COL24A1: variants seen among roughly 807,000 people sequenced by gnomAD.
COL24A1 encodes the protein collagen type XXIV alpha 1 chain.
COL24A1 carries 224 observed loss-of-function variants against 253.9 expected under a neutral mutation model. That is an observed-to-expected ratio of 0.88 (90% CI 0.79 to 0.99). The LOEUF (loss-of-function observed/expected upper bound fraction) is 0.99, where lower values mean the gene tolerates loss of function less well. COL24A1 is among the 50% of genes least tolerant of loss of function. The pLI, the probability that COL24A1 is intolerant of heterozygous loss-of-function variation, is 0.00. For missense variants in COL24A1, 2,131 were observed against 2,068.5 expected (o/e 1.03, Z -0.59); for synonymous variants, 685 against 673.7 (o/e 1.02, Z -0.26).
Position 85,816,914 on chromosome 1 carries a change from T to C in COL24A1, c.3844-19A>G. On this transcript the variant is annotated intron_variant, in intron 46 of 59. Transcript: ENST00000370571. ...GAAGTCCCTTGATAATTAAAAATTA[T>C]TTGGATTGTAGAGATGCTGAAAAGA... The C allele has an allele frequency of 1.9e-6, 3 of 1,558,608 alleles. No homozygotes were observed. Among genetic ancestry groups the C allele is most frequent in the Non-Finnish European group, 2.7e-6 (3 of 1,130,066 alleles).
intron 7 of COL24A1, among the ~76,000 whole-genome samples, chr1:86,073,195 T>C (rs1701993799): frequency 6.6e-6 from 1 of 152,114 alleles, no homozygotes; most frequent in Admixed American, 6.5e-5. Context: ...AGGAGCATGT[T>C]CTAACCTAAT....
chr1:85,935,559 C>G (rs1688184493), intron 24 of COL24A1, among the ~76,000 whole-genome samples: 1 of 147,538 alleles, frequency 6.8e-6, no homozygotes, highest in African/African-American at 2.5e-5. Context: ...TACTTTAGCT[C>G]ACTGTACTTC....
intron 39 of COL24A1, among the ~76,000 whole-genome samples, chr1:85,843,443 T>C (rs899525422): frequency 1.3e-5 from 2 of 152,192 alleles, no homozygotes; most frequent in Admixed American, 6.6e-5. Context: ...TAGCTCAAGA[T>C]GGCTGAATGA....
intron 58 of COL24A1, 38 bp from the exon 59 acceptor site, chr1:85,735,002 C>T: frequency 1.0e-5 from 16 of 1,589,378 alleles, no homozygotes; most frequent in Non-Finnish European, 1.3e-5. Context: ...TATAACATGG[C>T]AATTGAGAAA....
At chr1:85,744,864 C>T in intron 56 of COL24A1, 30 bp from the exon 57 acceptor site, 1 of 1,567,852 alleles carries the variant, frequency 6.4e-7, no homozygotes, top group Non-Finnish European at 8.7e-7. Flanking sequence ...ATTATATAAG[C>T]AAAAAAATCC....
chr1:85,963,766 T>C (rs577308234), intron 23 of COL24A1, among the ~76,000 whole-genome samples: 1 of 152,282 alleles, frequency 6.6e-6, no homozygotes, highest in African/African-American at 2.4e-5. Context: ...GGTGTGATTC[T>C]AGGGAGAGAA....
At chr1:85,976,341 G>A (rs1049718142) in intron 20 of COL24A1, among the ~76,000 whole-genome samples, 2 of 152,124 alleles carry the variant, frequency 1.3e-5, no homozygotes, top group Non-Finnish European at 2.9e-5. Context: ...CCTCTACATG[G>A]GAGCTGGGTA....
chr1:85,816,384 T>C (rs1673041131), intron 47 of COL24A1, among the ~76,000 whole-genome samples: 1 of 152,184 alleles, frequency 6.6e-6, no homozygotes, highest in Non-Finnish European at 1.5e-5. Context: ...ACTGAGGCTA[T>C]AAAAGTAAAG....
chr1:85,866,390 G>C (rs1360763107), intron 37 of COL24A1, among the ~76,000 whole-genome samples: 4 of 152,100 alleles, frequency 2.6e-5, no homozygotes, highest in African/African-American at 4.8e-5. Context: ...GTAAAATAGG[G>C]AATAATAACA....
intron 3 of COL24A1, among the ~76,000 whole-genome samples, chr1:86,119,498 T>A (rs1706500627): frequency 6.6e-6 from 1 of 151,988 alleles, no homozygotes; most frequent in African/African-American, 2.4e-5. Flanking sequence ...TCCTCTCTGG[T>A]GAGAGGGGAC....
chr1:86,022,591 C>T lies in COL24A1; in HGVS notation c.2149G>A (p.Gly717Ser), dbSNP rs944350538. The T allele has an allele frequency of 6.2e-7, 1 of 1,611,334 alleles. No individual in the cohort carries two copies. The highest frequency in any genetic ancestry group is 8.5e-7 in the Non-Finnish European group (1 of 1,179,068). ...KGLPGIKGDK[G>S]EQGTAGELGE... is the part of the protein sequence containing the mutation. ...AGCTCTCCTGCTGTGCCTTGTTCAC[C>T]CTGGAAAGCACAATTTCATGCAAAG... is the stretch of plus-strand genomic sequence containing the variant. The change falls in exon 17 of 60, where the codon GGT becomes AGT. Residue 717 changes from glycine (G) to serine (S), a missense_variant and splice_region_variant. Coordinates refer to ENST00000370571, the MANE Select transcript of COL24A1 (RefSeq NM_152890.7).
At position 86,054,039 on chromosome 1, in the gene COL24A1, G is replaced by A. The variant is rs960867734; in HGVS notation, c.1852-3862C>T. ...ACAAAGTCGGCAAAAATAAATAATTGGGAAAGAATACCCTGTTCAATAAAT... is the reference window on the plus strand; with the variant it reads ...ACAAAGTCGGCAAAAATAAATAATTAGGAAAGAATACCCTGTTCAATAAAT... On this transcript the variant is annotated intron_variant, in intron 10 of 59. Transcript: ENST00000370571. Among the ~76,000 whole-genome samples the A allele has an allele frequency of 8.6e-5, 13 of 151,980 alleles. No individual in the cohort carries two copies. In the East Asian group the frequency reaches 1.5e-3, roughly 18 times the overall value.
chr1:86,105,900 C>T (rs1013515357), intron 5 of COL24A1, among the ~76,000 whole-genome samples: 1 of 152,126 alleles, frequency 6.6e-6, no homozygotes, highest in African/African-American at 2.4e-5. Flanking sequence ...AGCCCCTGTG[C>T]AGAGTTCCCA....
At chr1:85,895,980 T>A in intron 30 of COL24A1, 41 bp downstream of exon 30, 1 of 1,599,746 alleles carries the variant, frequency 6.3e-7, no homozygotes. Flanking sequence ...CAAAAAAGAC[T>A]TAAAATGTTC....
At chr1:86,156,180 G>T in intron 1 of COL24A1, 161 bp downstream of exon 1, 1 of 606,972 alleles carries the variant, frequency 1.6e-6, no homozygotes, top group Non-Finnish European at 3.0e-6. Flanking sequence ...TATTTTGCAA[G>T]CTGAGAAGAC....
chr1:86,086,102 C>A (rs6687118), intron 7 of COL24A1, among the ~76,000 whole-genome samples: 132,935 of 152,098 alleles, frequency 0.87, 59,364 homozygotes, highest in Non-Finnish European at 0.97. Context: ...TTATATTAGA[C>A]AAATTTTAAT....
intron 23 of COL24A1, among the ~76,000 whole-genome samples, chr1:85,962,461 T>A (rs2100687968): frequency 6.6e-6 from 1 of 152,274 alleles, no homozygotes; most frequent in South Asian, 2.1e-4. Context: ...TATTAATATA[T>A]CTAATTATGG....
At chr1:85,973,891 A>G (rs1692412378) in intron 20 of COL24A1, among the ~76,000 whole-genome samples, 1 of 152,208 alleles carries the variant, frequency 6.6e-6, no homozygotes, top group African/African-American at 2.4e-5. Context: ...AAACACACCT[A>G]AAATATAAAA....
chr1:86,010,273 AG>A (rs1225708221), intron 19 of COL24A1, among the ~76,000 whole-genome samples: 6 of 152,174 alleles, frequency 3.9e-5, no homozygotes, highest in African/African-American at 1.4e-4. Flanking sequence ...CAAAGTCAAA[AG>A]ACAAGTGACA....
Sources: allele counts gnomAD v4.1 joint callset (sites outside exome capture counted in the v4.1 genomes callset), GRCh38; gene constraint gnomAD v4.1.1; transcripts MANE v1.5; gene names NCBI Gene and HGNC (gene_info 2026-07-23, HGNC 2026-07-21).